The following TNFRSF9 variants were observed in gnomAD, a reference collection of about 807,000 sequenced individuals.
The protein encoded by TNFRSF9 is tumor necrosis factor receptor superfamily member 9.
A neutral mutation model predicts 28.8 loss-of-function variants in TNFRSF9; 16 were observed. That is an observed-to-expected ratio of 0.55 (90% CI 0.38 to 0.84). TNFRSF9 has a LOEUF of 0.84. Among genes scored for constraint, TNFRSF9 ranks in the 40% least tolerant of loss-of-function variants. TNFRSF9 has a pLI of 0.00. For synonymous variants in TNFRSF9, 131 were observed against 117.0 expected (o/e 1.12, Z -0.77); for missense variants, 303 against 315.0 (o/e 0.96, Z 0.29).
intron 5 of TNFRSF9, among the ~76,000 whole-genome samples, chr1:7,936,137 T>A (rs1578077017): frequency 1.3e-5 from 2 of 152,074 alleles, no homozygotes; most frequent in East Asian, 3.9e-4. Flanking sequence ...ACTTTCCAGC[T>A]GGGCACAGTG....
At chr1:7,939,759 T>C in intron 2 of TNFRSF9, 136 bp downstream of exon 2, 1 of 619,634 alleles carries the variant, frequency 1.6e-6, no homozygotes, top group Non-Finnish European at 2.8e-6. Flanking sequence ...GGTTGTAGCA[T>C]CCAATAAACA....
intron 4 of TNFRSF9, 113 bp from the exon 5 acceptor site, chr1:7,937,869 T>C (rs1384824916): frequency 1.1e-6 from 1 of 919,628 alleles, no homozygotes. Flanking sequence ...GCACAAATTG[T>C]TCAATAATTC....
Position 7,935,152 on chromosome 1 carries a change from G to A in TNFRSF9, c.414-9C>T, listed in dbSNP as rs933883871. 6.2e-7 allele frequency: 1 copy of A among 1,606,622 alleles called. No homozygotes were observed. Among genetic ancestry groups the A allele is most frequent in the Non-Finnish European group, 8.5e-7 (1 of 1,177,840 alleles). On this transcript the variant is annotated splice_polypyrimidine_tract_variant and intron_variant, in intron 5 of 7. Coordinates refer to ENST00000377507, the MANE Select transcript of TNFRSF9 (RefSeq NM_001561.6). ...TTCCATCCAAAGAACAGCTTAGACA[G>A]TTCAATGAAAATAATTTAAATAATT...
intron 7 of TNFRSF9, among the ~76,000 whole-genome samples, chr1:7,929,952 T>C (rs1319177086): frequency 6.8e-6 from 1 of 148,102 alleles, no homozygotes; most frequent in Non-Finnish European, 1.5e-5. Flanking sequence ...AAAGTTCTTT[T>C]GAACGACCTA....
Position 7,920,809 on chromosome 1 carries a change from T to C in TNFRSF9, c.*26A>G. 6.3e-7 allele frequency: 1 copy of C among 1,580,942 alleles called. No individual in the cohort carries two copies. Among genetic ancestry groups the C allele is most frequent in the Non-Finnish European group, 8.7e-7 (1 of 1,151,054 alleles). The stretch of plus-strand genomic sequence containing the variant: ...ATTTCCTTGCTTCTTTTCAAGAAAG[T>C]CCCAACAGCCCTATTGACTTCCATT... On this transcript the variant is annotated 3_prime_UTR_variant, in exon 8 of 8. Coordinates refer to ENST00000377507, the MANE Select transcript of TNFRSF9 (RefSeq NM_001561.6).
At chr1:7,923,598 G>A (rs563198496) in intron 7 of TNFRSF9, among the ~76,000 whole-genome samples, 1 of 152,302 alleles carries the variant, frequency 6.6e-6, no homozygotes, top group South Asian at 2.1e-4. Flanking sequence ...CAATACTATG[G>A]GGGCCAAGGC....
rs916147307 is a variant in TNFRSF9, at chr1:7,919,005, A to G, written c.*1830T>C. The G allele has an allele frequency of 6.6e-6, 1 of 152,176 alleles. No individual in the cohort carries two copies. The highest frequency in any genetic ancestry group is 1.5e-5 in the Non-Finnish European group (1 of 68,046). The allele number at this position is 152,176 out of a possible 1,614,324, so 9.4% of individuals were successfully genotyped here. On this transcript the variant is annotated 3_prime_UTR_variant, in exon 8 of 8. Coordinates refer to ENST00000377507, the MANE Select transcript of TNFRSF9 (RefSeq NM_001561.6). ...CTCCTCACCCCTATTTACAGAATAT[A>G]CTTTTCTGCCCTATTGATGCCTGGC... is the stretch of plus-strand genomic sequence containing the variant.
intron 2 of TNFRSF9, 67 bp downstream of exon 2, chr1:7,939,828 C>T (rs1639875144): frequency 6.4e-6 from 8 of 1,259,546 alleles, no homozygotes; most frequent in Non-Finnish European, 8.0e-6. Context: ...TTAGCCCTGA[C>T]TACTAGACTA....
At chr1:7,938,150 C>CT in intron 4 of TNFRSF9, 43 bp downstream of exon 4, 1 of 1,493,650 alleles carries the variant, frequency 6.7e-7, no homozygotes, top group Non-Finnish European at 9.0e-7. Context: ...CTAAGTTTGT[C>CT]TATGTCACAA....
intron 7 of TNFRSF9, among the ~76,000 whole-genome samples, chr1:7,924,300 T>C (rs1333864055): frequency 1.1e-3 from 3 of 2,656 alleles, no homozygotes; most frequent in Non-Finnish European, 3.2e-3. Flanking sequence ...ATTCCATATA[T>C]ATATATATAT....
At chr1:7,921,595 G>C (rs561381249) in intron 7 of TNFRSF9, among the ~76,000 whole-genome samples, 5 of 152,008 alleles carry the variant, frequency 3.3e-5, no homozygotes, top group Non-Finnish European at 5.9e-5. Context: ...CTGAACCTGG[G>C]AGGTGGAGGT....
intron 6 of TNFRSF9, among the ~76,000 whole-genome samples, chr1:7,934,358 G>C (rs775881382): frequency 6.6e-6 from 1 of 150,750 alleles, no homozygotes; most frequent in African/African-American, 2.4e-5. Flanking sequence ...GCCTGGCACA[G>C]AACAAGGCAC....
intron 7 of TNFRSF9, among the ~76,000 whole-genome samples, chr1:7,923,299 C>T (rs868540470): frequency 7.9e-5 from 12 of 152,204 alleles, no homozygotes; most frequent in South Asian, 2.1e-4. Context: ...GAGTAGAGAG[C>T]CTGGACTTCC....
At chr1:7,925,022 T>A (rs1639623444) in intron 7 of TNFRSF9, among the ~76,000 whole-genome samples, 2 of 152,070 alleles carry the variant, frequency 1.3e-5, no homozygotes. Flanking sequence ...AAATTTTTTT[T>A]AAGTTTATAG....
intron 7 of TNFRSF9, among the ~76,000 whole-genome samples, chr1:7,924,038 G>T (rs1639600750): frequency 6.6e-6 from 1 of 151,984 alleles, no homozygotes; most frequent in East Asian, 1.9e-4. Context: ...TATGATCGTG[G>T]TCCCATAAGA....
chr1:7,927,725 T>C (rs1485390504), intron 7 of TNFRSF9, among the ~76,000 whole-genome samples: 1 of 144,502 alleles, frequency 6.9e-6, no homozygotes, highest in Non-Finnish European at 1.5e-5. Flanking sequence ...TTATAAGAGA[T>C]AGAGGAAAAA....
At chr1:7,932,237 A>G (rs9657990) in intron 7 of TNFRSF9, among the ~76,000 whole-genome samples, 6,940 of 152,298 alleles carry the variant, frequency 0.046, 563 homozygotes, top group African/African-American at 0.16. Flanking sequence ...GCTTTGGGTT[A>G]AAATTTTGCT....
chr1:7,939,379 A>C (rs914245150), intron 2 of TNFRSF9, among the ~76,000 whole-genome samples: 1 of 152,086 alleles, frequency 6.6e-6, no homozygotes, highest in Non-Finnish European at 1.5e-5. Flanking sequence ...TATTGTAACA[A>C]ATAAATCAAC....
At chr1:7,937,406 G>A (rs1240845360) in intron 5 of TNFRSF9, among the ~76,000 whole-genome samples, 1 of 152,082 alleles carries the variant, frequency 6.6e-6, no homozygotes, top group African/African-American at 2.4e-5. Flanking sequence ...GAGTCCTCCT[G>A]TCTCAGCCTC....
Sources: allele counts gnomAD v4.1 joint callset (sites outside exome capture counted in the v4.1 genomes callset), GRCh38; gene constraint gnomAD v4.1.1; transcripts MANE v1.5; gene names NCBI Gene and HGNC (gene_info 2026-07-23, HGNC 2026-07-21).